The following CNTN5 variants were observed in gnomAD, a reference collection of about 807,000 sequenced individuals.
CNTN5 encodes contactin 5, also known as contactin-5.
In CNTN5, 77 loss-of-function variants were observed where a neutral mutation model predicts 129.1. That is an observed-to-expected ratio of 0.60 (90% CI 0.50 to 0.72). The LOEUF is 0.72. CNTN5 is among the 30% of genes least tolerant of loss of function. CNTN5 has a pLI of 0.00. For synonymous variants in CNTN5, 509 were observed against 465.6 expected (o/e 1.09, Z -1.20); for missense variants, 1,478 against 1,328.8 (o/e 1.11, Z -1.75).
intron 2 of CNTN5, among the ~76,000 whole-genome samples, chr11:99,347,487 AT>A (rs1937977756): frequency 6.6e-6 from 1 of 152,040 alleles, no homozygotes; most frequent in South Asian, 2.1e-4. Context: ...TAATAGCTAT[AT>A]TAAAATTTCT....
intron 1 of CNTN5, among the ~76,000 whole-genome samples, chr11:99,317,718 G>T (rs1418125316): frequency 6.6e-6 from 1 of 151,998 alleles, no homozygotes; most frequent in Non-Finnish European, 1.5e-5. Context: ...TTTTAGCGTT[G>T]CTACTGCTTT....
At chr11:99,667,511 C>T (rs1057025969) in intron 3 of CNTN5, among the ~76,000 whole-genome samples, 5 of 152,168 alleles carry the variant, frequency 3.3e-5, no homozygotes, top group African/African-American at 1.2e-4. Context: ...TATTGTACCC[C>T]TGGTAAAGAA....
At chr11:99,475,729 A>C (rs2135291280) in intron 2 of CNTN5, among the ~76,000 whole-genome samples, 1 of 152,176 alleles carries the variant, frequency 6.6e-6, no homozygotes, top group African/African-American at 2.4e-5. Flanking sequence ...TATTGCATTT[A>C]AGTTTCTAAT....
intron 2 of CNTN5, among the ~76,000 whole-genome samples, chr11:99,426,352 CA>C (rs35446880): frequency 1.1e-4 from 17 of 151,730 alleles, no homozygotes; most frequent in African/African-American, 3.6e-4. Context: ...CAAATATTTC[CA>C]AAAAAAGGGC....
chr11:99,809,098 T>A (rs1946355099), intron 3 of CNTN5, among the ~76,000 whole-genome samples: 2 of 152,156 alleles, frequency 1.3e-5, no homozygotes, highest in Admixed American at 1.3e-4. Flanking sequence ...ATAGTACCCA[T>A]GTGGAGTGAG....
chr11:99,052,440 G>A (rs967423153), intron 1 of CNTN5, among the ~76,000 whole-genome samples: 10 of 151,758 alleles, frequency 6.6e-5, no homozygotes, highest in Non-Finnish European at 1.2e-4. Context: ...TGTTATAACT[G>A]TCTACAGTAT....
intron 3 of CNTN5, among the ~76,000 whole-genome samples, chr11:99,620,025 C>A (rs868415256): frequency 0.046 from 3,107 of 67,860 alleles, 131 homozygotes; most frequent in African/African-American, 0.13. Flanking sequence ...GACTCCGTCT[C>A]AAAAAAAAAA....
intron 3 of CNTN5, among the ~76,000 whole-genome samples, chr11:99,669,485 C>CACAT (rs1281122547): frequency 6.7e-6 from 1 of 148,364 alleles, no homozygotes; most frequent in African/African-American, 2.5e-5. Context: ...TATGTGTATA[C>CACAT]ATATATACAC....
At chr11:99,977,710 T>C (rs755587003) in intron 8 of CNTN5, among the ~76,000 whole-genome samples, 4 of 152,154 alleles carry the variant, frequency 2.6e-5, no homozygotes, top group Non-Finnish European at 5.9e-5. Context: ...ACCACCACCA[T>C]GATCTAGTTA....
intron 1 of CNTN5, among the ~76,000 whole-genome samples, chr11:99,119,619 A>T (rs1415001864): frequency 6.6e-6 from 1 of 152,110 alleles, no homozygotes; most frequent in South Asian, 2.1e-4. Flanking sequence ...TGTCTTTATG[A>T]TAGAACAATT....
In CNTN5 at chr11:100,357,646, A is replaced by C. The variant is rs1411848417; in HGVS notation, c.*1426A>C. On this transcript the variant is annotated 3_prime_UTR_variant, in exon 25 of 25. Coordinates refer to ENST00000524871, the MANE Select transcript of CNTN5 (RefSeq NM_014361.4). Reference sequence around the variant, plus strand: ...TATGGTTTTATAGGCGATGTTAACAAGAGAACAAAAATTGGTTTTATAATT... The same window carrying C: ...TATGGTTTTATAGGCGATGTTAACACGAGAACAAAAATTGGTTTTATAATT... 2 of 151,820 alleles carry C rather than the reference A, an allele frequency of 1.3e-5. No homozygotes were observed. Among genetic ancestry groups the C allele is most frequent in the African/African-American group, 4.8e-5 (2 of 41,414 alleles). 9.4% of individuals were successfully genotyped at this position (151,820 alleles called of 1,614,324 possible).
chr11:100,310,544 C>A (rs909638154), intron 21 of CNTN5, among the ~76,000 whole-genome samples: 2 of 151,810 alleles, frequency 1.3e-5, no homozygotes, highest in African/African-American at 2.4e-5. Context: ...AACCAATGAG[C>A]AAAACAAAGT....
At chr11:100,155,428 G>T (rs770857384) in intron 13 of CNTN5, among the ~76,000 whole-genome samples, 1 of 152,140 alleles carries the variant, frequency 6.6e-6, no homozygotes, top group Non-Finnish European at 1.5e-5. Flanking sequence ...CTGTAGCCTT[G>T]TAGTGTAGTT....
intron 3 of CNTN5, among the ~76,000 whole-genome samples, chr11:99,713,136 T>A (rs1955070172): frequency 6.6e-6 from 1 of 152,162 alleles, no homozygotes; most frequent in South Asian, 2.1e-4. Context: ...GGCTTTCCAT[T>A]TGTTTGTGTC....
rs372868345 is a variant in CNTN5, at chr11:100,297,723, T to G, written c.2385+28T>G. 11 of 1,505,206 alleles carry G rather than the reference T, an allele frequency of 7.3e-6. No individual in the cohort carries two copies. In the African/African-American group the frequency reaches 1.5e-4, roughly 21 times the overall value. The allele number at this position is 1,505,206 out of a possible 1,614,324, so 93.2% of individuals were successfully genotyped here. On this transcript the variant is annotated intron_variant, in intron 19 of 24. Coordinates refer to ENST00000524871, the MANE Select transcript of CNTN5 (RefSeq NM_014361.4). Reference sequence around the variant, plus strand: ...AAGAAAAACACATCCTCTCACAAATTACTCCACGTGTTTGTTTGGCTTAGT... The same window carrying G: ...AAGAAAAACACATCCTCTCACAAATGACTCCACGTGTTTGTTTGGCTTAGT...
intron 4 of CNTN5, among the ~76,000 whole-genome samples, chr11:99,827,024 C>A (rs1285913315): frequency 6.6e-6 from 1 of 152,078 alleles, no homozygotes; most frequent in Non-Finnish European, 1.5e-5. Context: ...AGAGTCTCTC[C>A]ACATAGATAT....
At chr11:99,509,605 A>C (rs1946758457) in intron 2 of CNTN5, among the ~76,000 whole-genome samples, 1 of 152,172 alleles carries the variant, frequency 6.6e-6, no homozygotes, top group Non-Finnish European at 1.5e-5. Flanking sequence ...AAGTGATTGA[A>C]TTTTTGAAGT....
At chr11:99,809,195 G>A (rs577640629) in intron 3 of CNTN5, among the ~76,000 whole-genome samples, 1 of 152,126 alleles carries the variant, frequency 6.6e-6, no homozygotes, top group African/African-American at 2.4e-5. Flanking sequence ...CTTCTATTAA[G>A]TGTAAAAATA....
intron 13 of CNTN5, among the ~76,000 whole-genome samples, chr11:100,112,189 T>C (rs1450040966): frequency 6.6e-6 from 1 of 152,158 alleles, no homozygotes; most frequent in African/African-American, 2.4e-5. Context: ...TTTACCATGT[T>C]CTTGTCCTCT....
Sources: gnomAD v4.1 joint callset for allele counts (sites outside exome capture counted in the v4.1 genomes callset) on GRCh38, gnomAD v4.1.1 for gene constraint, MANE v1.5 for transcripts, NCBI Gene and HGNC (gene_info 2026-07-23, HGNC 2026-07-21) for gene names.